Variants in PCDH19 observed in about 807,000 individuals in gnomAD.
PCDH19 encodes the protein protocadherin-19.
A neutral mutation model predicts 46.2 loss-of-function variants in PCDH19; 6 were observed. The ratio of observed to expected loss-of-function variants is 0.13; its 90% confidence interval spans 0.07 to 0.26. The LOEUF is 0.26. Among genes scored for constraint, PCDH19 ranks in the 10% least tolerant of loss-of-function variants. The pLI is 1.00. For missense variants in PCDH19, 740 were observed against 972.3 expected, an observed-to-expected ratio of 0.76 and a Z score of 3.18; for synonymous variants, 481 against 415.7, an observed-to-expected ratio of 1.16 and a Z score of -1.91.
chrX:100,383,151 T>C (rs931458336), intron 3 of PCDH19, among the ~76,000 whole-genome samples: 5 of 112,237 alleles, frequency 4.5e-5, no homozygotes, highest in African/African-American at 1.6e-4. Context: ...TAGTAATAGC[T>C]ACTTAACATT....
At chrX:100,323,061 C>A (rs1264098655) in intron 5 of PCDH19, among the ~76,000 whole-genome samples, 1 of 108,432 alleles carries the variant, frequency 9.2e-6, no homozygotes, top group Non-Finnish European at 1.9e-5. Flanking sequence ...CTTGAAGACT[C>A]AAGCTGTGAT....
At chrX:100,348,284 A>G (rs1926471744) in intron 4 of PCDH19, among the ~76,000 whole-genome samples, 1 of 111,478 alleles carries the variant, frequency 9.0e-6, no homozygotes, top group African/African-American at 3.3e-5. Context: ...CACTGTTGTG[A>G]GCTATTTGAA....
chrX:100,399,982 CAT>C (rs60688857), intron 3 of PCDH19, among the ~76,000 whole-genome samples: 31,747 of 110,470 alleles, frequency 0.29, 3,551 homozygotes, highest in Non-Finnish European at 0.35. Context: ...CAGATGTCGT[CAT>C]ATGTTTTCTG....
intron 5 of PCDH19, among the ~76,000 whole-genome samples, chrX:100,334,192 C>T (rs1569295127): frequency 9.0e-6 from 1 of 111,321 alleles, no homozygotes; most frequent in Admixed American, 9.6e-5. Flanking sequence ...CACACACACA[C>T]ACTACATATA....
At chrX:100,383,384 T>TCTAA (rs1839061039) in intron 3 of PCDH19, among the ~76,000 whole-genome samples, 1 of 111,724 alleles carries the variant, frequency 9.0e-6, no homozygotes, top group South Asian at 3.8e-4. Flanking sequence ...ACAAACCGTA[T>TCTAA]CTAAGAAAAC....
At chrX:100,384,758 T>A (rs895060248) in intron 3 of PCDH19, among the ~76,000 whole-genome samples, 5 of 111,982 alleles carry the variant, frequency 4.5e-5, no homozygotes, top group Non-Finnish European at 9.4e-5. Flanking sequence ...TGGTCAAGCA[T>A]ATCTATAAGA....
At chrX:100,333,153 GGAAGGAAGGAAGGAAGGA>G (rs1569294552) in intron 5 of PCDH19, among the ~76,000 whole-genome samples, 34 of 54,178 alleles carry the variant, frequency 6.3e-4, no homozygotes, top group Non-Finnish European at 1.1e-3. Flanking sequence ...AAGGAAGGAA[GGAAGGAAGGAAGGAAGGA>G]AGGGAGAGAG....
chrX:100,331,129 A>G (rs758467556), intron 5 of PCDH19, among the ~76,000 whole-genome samples: 36 of 111,986 alleles, frequency 3.2e-4, no homozygotes, highest in Non-Finnish European at 6.0e-4. Context: ...TGAATGGCAC[A>G]TTGTTAAGTG....
At position 100,296,780 on chromosome X, in the gene PCDH19, T is replaced by C. The variant is rs1256934455; in HGVS notation, c.2944A>G (p.Lys982Glu). Residue 982 changes from lysine (K) to glutamate (E), a missense_variant, in exon 6 of 6, where the codon AAG becomes GAG. Around this residue, in one of 5 missense-constraint regions of PCDH19, gnomAD observed 416 missense variants for 476.8 expected, o/e 0.87. Transcript: ENST00000373034. ...MPRNPMPIRSKSPEHVRNIIA... is the reference protein window; with the variant it reads ...MPRNPMPIRSESPEHVRNIIA... ...ATGTTCCTCACATGCTCAGGGGACT[T>C]GGAACGGATGGGCATGGGGTTCCGG... The C allele has an allele frequency of 8.3e-6, 10 of 1,211,422 alleles. No individual in the cohort carries two copies. The highest frequency in any genetic ancestry group is 1.1e-5 in the Non-Finnish European group (10 of 895,120).
chrX:100,306,482 A>G (rs1373053487), intron 5 of PCDH19, among the ~76,000 whole-genome samples: 2 of 111,801 alleles, frequency 1.8e-5, no homozygotes, highest in East Asian at 2.8e-4. Flanking sequence ...AAAATAGACA[A>G]TCTAAGGTCA....
chrX:100,409,217 G>A lies in PCDH19; in HGVS notation c.-620C>T, dbSNP rs1168296485. 3 of 112,863 alleles carry A rather than the reference G, an allele frequency of 2.7e-5. No homozygotes were observed. The highest frequency in any genetic ancestry group is 9.7e-5 in the African/African-American group (3 of 30,987). 9.3% of individuals were successfully genotyped at this position (112,863 alleles called of 1,213,427 possible). A position where few individuals can be genotyped will look rare whatever the true frequency, so the allele number is the denominator to read the frequency against. On this transcript the variant is annotated 5_prime_UTR_variant, in exon 1 of 6. Transcript: ENST00000373034. Reference sequence around the variant, plus strand: ...GGCCACACTGGCCTCTTCGAGGCCTGTTCGGGAGAAAGGGGGTGTCGCAGA... The same window carrying A: ...GGCCACACTGGCCTCTTCGAGGCCTATTCGGGAGAAAGGGGGTGTCGCAGA...
chrX:100,386,408 C>T (rs1177562122), intron 3 of PCDH19, among the ~76,000 whole-genome samples: 1 of 111,866 alleles, frequency 8.9e-6, no homozygotes, highest in Non-Finnish European at 1.9e-5. Context: ...ATTCAATAAA[C>T]AAAATTCCTT....
At chrX:100,377,464 T>A (rs1018377672) in intron 3 of PCDH19, among the ~76,000 whole-genome samples, 1 of 112,106 alleles carries the variant, frequency 8.9e-6, no homozygotes, top group Non-Finnish European at 1.9e-5. Flanking sequence ...TCCACCCCAG[T>A]AGATTGTAAA....
intron 4 of PCDH19, among the ~76,000 whole-genome samples, chrX:100,343,180 G>A (rs142631592): frequency 8.9e-6 from 1 of 111,776 alleles, no homozygotes; most frequent in African/African-American, 3.2e-5. Context: ...CTACACTATT[G>A]GCTCTCTGGT....
rs757244928 is a variant in PCDH19 at position 100,343,782 on chromosome X, T to C, written c.2676-1707A>G. Reference sequence around the variant, plus strand: ...TCAACAAGGAAGAATGGCATGTTTGTGAATTAACACAAACCCTAATAGACC... The same window carrying C: ...TCAACAAGGAAGAATGGCATGTTTGCGAATTAACACAAACCCTAATAGACC... On this transcript the variant is annotated intron_variant, in intron 4 of 5. Transcript: ENST00000373034. Among the ~76,000 whole-genome samples the C allele has an allele frequency of 1.8e-3, 203 of 111,824 alleles. 2 individuals carry two copies. The highest frequency in any genetic ancestry group is 3.2e-3 in the Non-Finnish European group (171 of 53,141).
intron 2 of PCDH19, 95 bp downstream of exon 2, chrX:100,403,429 T>G: frequency 7.1e-6 from 6 of 848,235 alleles, no homozygotes; most frequent in Admixed American, 2.4e-5. Flanking sequence ...CTCCCTGCCC[T>G]AGCCCGGTTC....
chrX:100,293,900 C>A lies in PCDH19; in HGVS notation c.*2377G>T, dbSNP rs1924508451. On this transcript the variant is annotated 3_prime_UTR_variant, in exon 6 of 6. Transcript: ENST00000373034. ...TAAGAGGCATGGCAGCCAGTGGCCT[C>A]TCTGGCTCAACAGCCACGTGACAAT... is the stretch of plus-strand genomic sequence containing the variant. The A allele has an allele frequency of 8.9e-6, 1 of 111,947 alleles. No individual in the cohort carries two copies. Among genetic ancestry groups the A allele is most frequent in the Non-Finnish European group, 1.9e-5 (1 of 53,214 alleles). The allele number at this position is 111,947 out of a possible 1,213,427, so 9.2% of individuals were successfully genotyped here. A position where few individuals can be genotyped will look rare whatever the true frequency, so the allele number is the denominator to read the frequency against.
At chrX:100,403,401 C>A (rs1928252938) in intron 2 of PCDH19, 123 bp downstream of exon 2, 6 of 654,611 alleles carry the variant, frequency 9.2e-6, no homozygotes, top group Middle Eastern at 4.9e-4. Context: ...CATTCTTTCG[C>A]GTCTCCTCCA....
chrX:100,326,126 T>C (rs1925686819), intron 5 of PCDH19, among the ~76,000 whole-genome samples: 1 of 112,795 alleles, frequency 8.9e-6, no homozygotes, highest in Non-Finnish European at 1.9e-5. Context: ...GGCTCCCTCC[T>C]GGGAGTTATA....
Sources: gnomAD v4.1 joint callset for allele counts (sites outside exome capture counted in the v4.1 genomes callset) on GRCh38, gnomAD v4.1.1 for gene constraint, gnomAD v4.1.1 regional missense constraint, MANE v1.5 for transcripts, NCBI Gene and HGNC (gene_info 2026-07-23, HGNC 2026-07-21) for gene names.